Variants in REDIC1 observed in about 807,000 individuals in gnomAD.
REDIC1 encodes the protein regulator of DNA class I crossover intermediates 1, also known as HEI10 Interacting Protein 1.
chr12:39,647,091 A>G, the REDIC1 span, among the ~76,000 whole-genome samples: 5 of 152,018 alleles, frequency 3.3e-5, no homozygotes, highest in Non-Finnish European at 7.4e-5. Context: ...ACTGCTGGTA[A>G]TGTGACTAGG....
At chr12:39,842,865 C>T in the REDIC1 span, among the ~76,000 whole-genome samples, 1 of 152,068 alleles carries the variant, frequency 6.6e-6, no homozygotes, top group East Asian at 1.9e-4. Flanking sequence ...TGTAATTATA[C>T]AATGTGCTCT....
At chr12:39,890,650 A>G in the REDIC1 span, among the ~76,000 whole-genome samples, 2 of 152,168 alleles carry the variant, frequency 1.3e-5, no homozygotes, top group Non-Finnish European at 2.9e-5. Flanking sequence ...TAATTGATAC[A>G]TAACTGTATA....
chr12:39,705,062 T>TA, the REDIC1 span, among the ~76,000 whole-genome samples: 1 of 151,404 alleles, frequency 6.6e-6, no homozygotes, highest in African/African-American at 2.4e-5. Flanking sequence ...CCCTAAAACT[T>TA]AAAGTATAAT....
At chr12:39,751,671 G>T in the REDIC1 span, among the ~76,000 whole-genome samples, 1 of 152,302 alleles carries the variant, frequency 6.6e-6, no homozygotes, top group Admixed American at 6.5e-5. Context: ...ATCAATGATA[G>T]ACTGGATTAA....
the REDIC1 span, among the ~76,000 whole-genome samples, chr12:39,868,453 T>G: frequency 6.6e-6 from 1 of 152,222 alleles, no homozygotes; most frequent in African/African-American, 2.4e-5. Flanking sequence ...TTCTCACACT[T>G]TGTGTGCATA....
chr12:39,794,409 C>T, the REDIC1 span, among the ~76,000 whole-genome samples: 1 of 152,136 alleles, frequency 6.6e-6, no homozygotes, highest in South Asian at 2.1e-4. Context: ...CCTAGAGCTG[C>T]CTCTTTACAT....
the REDIC1 span, among the ~76,000 whole-genome samples, chr12:39,704,003 G>A: frequency 6.6e-6 from 1 of 152,232 alleles, no homozygotes; most frequent in East Asian, 1.9e-4. Flanking sequence ...TACCATTCAG[G>A]ACATAGGCAT....
the REDIC1 span, among the ~76,000 whole-genome samples, chr12:39,825,112 T>G: frequency 6.6e-6 from 1 of 152,212 alleles, no homozygotes; most frequent in Non-Finnish European, 1.5e-5. Flanking sequence ...TCTATCTAGC[T>G]ATTTTAGTGT....
At chr12:39,704,233 A>C in the REDIC1 span, among the ~76,000 whole-genome samples, 9 of 152,036 alleles carry the variant, frequency 5.9e-5, no homozygotes, top group Admixed American at 1.3e-4. Context: ...ACAAGAAAAA[A>C]AAACAACCCC....
the REDIC1 span, among the ~76,000 whole-genome samples, chr12:39,632,291 T>A: frequency 2.9e-4 from 44 of 152,020 alleles, no homozygotes; most frequent in African/African-American, 1.1e-3. Context: ...AGAGACAGGG[T>A]TTCACCATAT....
At chr12:39,752,236 C>T in the REDIC1 span, among the ~76,000 whole-genome samples, 24 of 152,196 alleles carry the variant, frequency 1.6e-4, no homozygotes, top group South Asian at 2.5e-3. Flanking sequence ...AGGAGGTGAG[C>T]GATGGGCAAG....
chr12:39,720,864 G>T, the REDIC1 span: 1 of 1,612,896 alleles, frequency 6.2e-7, no homozygotes, highest in South Asian at 1.1e-5. Flanking sequence ...AGGAAAAAAT[G>T]AATAATTTTT....
the REDIC1 span, among the ~76,000 whole-genome samples, chr12:39,796,841 C>T: frequency 6.6e-6 from 1 of 151,958 alleles, no homozygotes; most frequent in Non-Finnish European, 1.5e-5. Flanking sequence ...GATAATGCTG[C>T]CATGGACATT....
the REDIC1 span, among the ~76,000 whole-genome samples, chr12:39,786,823 TTCCTC>T: frequency 4.6e-5 from 7 of 152,210 alleles, no homozygotes; most frequent in African/African-American, 1.4e-4. Flanking sequence ...CAATGACTGT[TTCCTC>T]TGTGAGACAG....
chr12:39,646,603 T>G, the REDIC1 span: 1 of 768,436 alleles, frequency 1.3e-6, no homozygotes, highest in Non-Finnish European at 1.9e-6. Context: ...ATGCAATGAT[T>G]AAGACCTTCA....
chr12:39,867,743 TTATA>T, the REDIC1 span, among the ~76,000 whole-genome samples: 1 of 152,186 alleles, frequency 6.6e-6, no homozygotes, highest in African/African-American at 2.4e-5. Flanking sequence ...TCTTTTGTTA[TTATA>T]TATAGTGATG....
At chr12:39,639,060 T>A in the REDIC1 span, among the ~76,000 whole-genome samples, 5 of 152,188 alleles carry the variant, frequency 3.3e-5, no homozygotes, top group East Asian at 7.7e-4. Flanking sequence ...AGCTCTGTTA[T>A]ACTTTTTATA....
At chr12:39,664,874 C>A in the REDIC1 span, among the ~76,000 whole-genome samples, 1 of 152,174 alleles carries the variant, frequency 6.6e-6, no homozygotes, top group Non-Finnish European at 1.5e-5. Flanking sequence ...TAAATGTCTT[C>A]TTTTGAGAAG....
At chr12:39,740,275 A>G in the REDIC1 span, among the ~76,000 whole-genome samples, 2 of 152,354 alleles carry the variant, frequency 1.3e-5, no homozygotes, top group South Asian at 2.1e-4. Context: ...GTGGAACAGC[A>G]TGTAGGAAAA....
Sources: allele counts gnomAD v4.1 joint callset (sites outside exome capture counted in the v4.1 genomes callset), GRCh38; gene constraint gnomAD v4.1.1; transcripts MANE v1.5; gene names NCBI Gene and HGNC (gene_info 2026-07-23, HGNC 2026-07-21).